Variants in MAPK6 observed in about 807,000 individuals in gnomAD.
The protein encoded by MAPK6 is ERK-3.
MAPK6 carries 19 observed loss-of-function variants against 59.3 expected under a neutral mutation model. The ratio of observed to expected loss-of-function variants is 0.32; its 90% CI spans 0.22 to 0.47. The LOEUF (loss-of-function observed/expected upper bound fraction) is 0.47, where lower values mean the gene tolerates loss of function less well. MAPK6 is among the 20% of genes least tolerant of loss of function. The pLI is 1.00. For synonymous variants in MAPK6, 316 were observed against 290.3 expected, an observed-to-expected ratio of 1.09 and a Z score of -0.90; for missense variants, 724 against 847.9, an observed-to-expected ratio of 0.85 and a Z score of 1.81.
At chr15:52,029,118 A>G (rs910076064) in intron 1 of MAPK6, among the ~76,000 whole-genome samples, 2 of 152,134 alleles carry the variant, frequency 1.3e-5, no homozygotes, top group Non-Finnish European at 2.9e-5. Context: ...GCTCACTGCA[A>G]CCTCCATCTA....
intron 1 of MAPK6, among the ~76,000 whole-genome samples, chr15:52,040,073 G>A (rs543825144): frequency 2.6e-5 from 4 of 152,192 alleles, no homozygotes; most frequent in Non-Finnish European, 5.9e-5. Context: ...AGGAGCAAGG[G>A]CTTTGTCAAA....
chr15:52,019,202 GCGAAGCCC>G (rs1158303908), upstream of MAPK6: 1 of 152,020 alleles, frequency 6.6e-6, no homozygotes, highest in African/African-American at 2.4e-5. Flanking sequence ...GCGTGGCACC[GCGAAGCCC>G]CGCCCCCTCT....
At chr15:51,982,504 ACACT>A (rs752312605) in intron 1 of MAPK6, among the ~76,000 whole-genome samples, 9 of 152,204 alleles carry the variant, frequency 5.9e-5, no homozygotes, top group Non-Finnish European at 1.2e-4. Flanking sequence ...ACACACATAC[ACACT>A]CACACATACA....
At chr15:52,023,466 T>C (rs1002545873) in intron 1 of MAPK6, among the ~76,000 whole-genome samples, 4 of 152,236 alleles carry the variant, frequency 2.6e-5, no homozygotes, top group African/African-American at 9.6e-5. Context: ...CTGTAGTTAA[T>C]GGCATTTTCC....
At chr15:52,001,959 C>G (rs2057243389) in intron 2 of MAPK6, among the ~76,000 whole-genome samples, 1 of 152,172 alleles carries the variant, frequency 6.6e-6, no homozygotes, top group South Asian at 2.1e-4. Context: ...GAACCCTGAC[C>G]TAATTTGGTT....
chr15:52,009,957 G>A (rs1462090510), intron 3 of MAPK6, among the ~76,000 whole-genome samples: 1 of 151,964 alleles, frequency 6.6e-6, no homozygotes, highest in Non-Finnish European at 1.5e-5. Flanking sequence ...ATTTTTAGTA[G>A]AGACACAGTT....
intron 3 of MAPK6, among the ~76,000 whole-genome samples, chr15:52,054,317 G>T (rs1371976822): frequency 1.4e-5 from 2 of 138,306 alleles, no homozygotes; most frequent in Non-Finnish European, 3.1e-5. Context: ...GCAGTGAGCC[G>T]AGATCTTGCC....
In MAPK6 at chr15:52,064,432, G is replaced by A; in HGVS notation, c.1598G>A (p.Gly533Glu). 6.2e-7 allele frequency: 1 copy of A among 1,611,682 alleles called. No homozygotes were observed. ...QGFDFDSFIA[G>E]TIQLSSQHEP... ...TTTGATTTTGATTCCTTTATTGCAG[G>A]AACTATTCAGCTTAGTTCCCAGCAT... Residue 533 changes from glycine (G) to glutamate (E), a missense_variant, in exon 6 of 6, where the codon GGA becomes GAA. Gly to Glu is a moderately conservative substitution (Grantham distance 98, BLOSUM62 -2). Around this residue, in one of 4 missense-constraint regions of MAPK6, gnomAD observed 502 missense variants for 507.6 expected, o/e 0.99. Coordinates refer to ENST00000261845, the MANE Select transcript of MAPK6 (RefSeq NM_002748.4).
rs553750743 is a variant in MAPK6, at chr15:52,031,705, C to G, written c.-632+12329C>G. 5.5e-4 allele frequency among the ~76,000 whole-genome samples: 84 copies of G among 152,210 alleles called. 1 individual carries two copies. The highest frequency in any genetic ancestry group is 2.0e-3 in the African/African-American group (82 of 41,518). On this transcript the variant is annotated intron_variant, in intron 1 of 5. Coordinates refer to ENST00000261845, the MANE Select transcript of MAPK6 (RefSeq NM_002748.4). Reference sequence around the variant, plus strand: ...AAATTGAGCCGGGTGTGGCACCTTGCACGGTGGTCATAGCTACTCAGAAGG... The same window carrying G: ...AAATTGAGCCGGGTGTGGCACCTTGGACGGTGGTCATAGCTACTCAGAAGG...
At chr15:51,992,353 G>C (rs1038150098) in intron 2 of MAPK6, among the ~76,000 whole-genome samples, 1 of 147,120 alleles carries the variant, frequency 6.8e-6, no homozygotes, top group Non-Finnish European at 1.5e-5. Flanking sequence ...CCAGGCTGGA[G>C]TGCAGTGGTG....
In MAPK6 at chr15:52,067,130, A is replaced by AT. The variant is rs1481661338; in HGVS notation, c.*2135dup. On this transcript the variant is annotated 3_prime_UTR_variant, in exon 6 of 6. Coordinates refer to ENST00000261845, the MANE Select transcript of MAPK6 (RefSeq NM_002748.4). ...CTGTCTTCCCTGAAGGAGACCTAGG[A>AT]TTTTTCTTACTGGGAAACTTGGCTC... 1.3e-5 allele frequency: 2 copies of AT among 151,942 alleles called. No homozygotes were observed. The highest frequency in any genetic ancestry group is 4.8e-5 in the African/African-American group (2 of 41,360). The allele number at this position is 151,942 out of a possible 1,614,324, so 9.4% of individuals were successfully genotyped here. A position where few individuals can be genotyped will look rare whatever the true frequency, so the allele number is the denominator to read the frequency against.
At chr15:52,041,570 A>G (rs1442993083) in intron 1 of MAPK6, among the ~76,000 whole-genome samples, 2 of 152,236 alleles carry the variant, frequency 1.3e-5, no homozygotes, top group Non-Finnish European at 2.9e-5. Flanking sequence ...TGATGTGGAT[A>G]GAGGATGCAG....
rs889695827 is a variant in MAPK6, at chr15:52,064,804, A to G, written c.1970A>G (p.His657Arg). Residue 657 changes from histidine (H) to arginine (R), a missense_variant, in exon 6 of 6, where the codon CAT becomes CGT. Transcript: ENST00000261845. ...GATGGGAAGCTTGGGGAGAGAGGAC[A>G]TGAGGAAGGATTTCTGAACAACAGT... ...VEDGKLGERG[H>R]EEGFLNNSGE... 1.9e-6 allele frequency: 3 copies of G among 1,612,010 alleles called. No individual in the cohort carries two copies. The highest frequency in any genetic ancestry group is 4.5e-5 in the East Asian group (2 of 44,884).
At chr15:51,996,570 A>AT (rs1191507846) in intron 2 of MAPK6, among the ~76,000 whole-genome samples, 2 of 149,718 alleles carry the variant, frequency 1.3e-5, no homozygotes, top group African/African-American at 4.9e-5. Flanking sequence ...TAATTTTTGT[A>AT]TTTTTAGTAG....
chr15:52,014,521 G>GGAGTTGGAGACCA (rs1480457592), upstream of MAPK6, among the ~76,000 whole-genome samples: 1 of 151,966 alleles, frequency 6.6e-6, no homozygotes, highest in Non-Finnish European at 1.5e-5. Context: ...AGACCAGCCT[G>GGAGTTGGAGACCA]GGCAACATAG....
rs1281646745 is a variant in MAPK6 at position 52,033,882 on chromosome 15, A to G, written c.-631-11948A>G. 2.1e-5 allele frequency: 3 copies of G among 145,736 alleles called. No homozygotes were observed. The East Asian group carries it at 6.0e-4, about 29-fold the overall frequency. The allele number at this position is 145,736 out of a possible 1,614,324, so 9.0% of individuals were successfully genotyped here. On this transcript the variant is annotated intron_variant, in intron 1 of 5. Coordinates refer to ENST00000261845, the MANE Select transcript of MAPK6 (RefSeq NM_002748.4). ...CATATTCTATTGTCTTCTGTTTTTC[A>G]TTGTTTCTAGTGATAAATCAGCTAT...
intron 1 of MAPK6, among the ~76,000 whole-genome samples, chr15:51,977,852 A>G (rs1003881097): frequency 6.6e-6 from 1 of 151,822 alleles, no homozygotes; most frequent in Admixed American, 6.6e-5. Flanking sequence ...CACCATTTGG[A>G]TGCCACCTCA....
At chr15:52,056,191 C>G (rs763433853) in intron 3 of MAPK6, among the ~76,000 whole-genome samples, 2 of 152,200 alleles carry the variant, frequency 1.3e-5, no homozygotes, top group African/African-American at 2.4e-5. Flanking sequence ...TCCAGATTGT[C>G]TCTCTATAGG....
At chr15:51,999,289 G>A (rs576060977) in intron 2 of MAPK6, among the ~76,000 whole-genome samples, 3 of 152,170 alleles carry the variant, frequency 2.0e-5, no homozygotes, top group Admixed American at 6.5e-5. Context: ...GTGAGCCACC[G>A]CGCCCAGCCT....
Sources: gnomAD v4.1 joint callset for allele counts (sites outside exome capture counted in the v4.1 genomes callset) on GRCh38, gnomAD v4.1.1 for gene constraint, gnomAD v4.1.1 regional missense constraint, MANE v1.5 for transcripts, NCBI Gene and HGNC (gene_info 2026-07-23, HGNC 2026-07-21) for gene names.